The following PCDH15 variants were observed in gnomAD, a reference collection of about 807,000 sequenced individuals.
The protein encoded by PCDH15 is protocadherin related 15.
A neutral mutation model predicts 178.5 loss-of-function variants in PCDH15; 129 were observed. The ratio of observed to expected loss-of-function variants is 0.72; its 90% CI spans 0.63 to 0.84. The LOEUF is 0.84. PCDH15 is among the 40% of genes least tolerant of loss of function. PCDH15 has a pLI of 0.00. For missense variants in PCDH15, 2,230 were observed against 2,099.9 expected (o/e 1.06, Z -1.21); for synonymous variants, 800 against 732.0 (o/e 1.09, Z -1.50).
chr10:53,938,697 A>G (rs2085787598), intron 25 of PCDH15, 118 bp downstream of exon 25: 2 of 1,099,566 alleles, frequency 1.8e-6, no homozygotes, highest in Non-Finnish European at 2.7e-6. Context: ...ATCTCAGAGT[A>G]TTAATGATCT....
chr10:55,042,003 G>T (rs12244680), intron 2 of PCDH15, among the ~76,000 whole-genome samples: 3,565 of 152,096 alleles, frequency 0.023, 86 homozygotes, highest in Non-Finnish European at 0.022. Flanking sequence ...TACTATTCAT[G>T]ATTTCATTTG....
intron 23 of PCDH15, among the ~76,000 whole-genome samples, chr10:53,949,363 G>A (rs778170605): frequency 1.5e-4 from 23 of 152,136 alleles, no homozygotes; most frequent in African/African-American, 4.1e-4. Flanking sequence ...TTTAGCAATC[G>A]AGTTATGCTC....
chr10:55,315,224 G>C (rs2132293115), intron 1 of PCDH15, among the ~76,000 whole-genome samples: 1 of 152,226 alleles, frequency 6.6e-6, no homozygotes, highest in Admixed American at 6.5e-5. Flanking sequence ...CTCAGCCACA[G>C]TTAAGAATTG....
chr10:54,997,275 A>G (rs1188240937), intron 2 of PCDH15, among the ~76,000 whole-genome samples: 1 of 152,116 alleles, frequency 6.6e-6, no homozygotes, highest in Admixed American at 6.5e-5. Flanking sequence ...TTCAAGGTAA[A>G]AACTATTGGA....
At chr10:54,110,967 A>C (rs561668114) in intron 15 of PCDH15, among the ~76,000 whole-genome samples, 39 of 152,264 alleles carry the variant, frequency 2.6e-4, no homozygotes, top group Non-Finnish European at 1.3e-4. Context: ...AAATCAACTA[A>C]TTCTTGGTAG....
intron 28 of PCDH15, among the ~76,000 whole-genome samples, chr10:53,852,338 C>G (rs2132954522): frequency 6.6e-6 from 1 of 152,158 alleles, no homozygotes; most frequent in South Asian, 2.1e-4. Flanking sequence ...CTAAGATCAA[C>G]TTAAAATACG....
intron 2 of PCDH15, among the ~76,000 whole-genome samples, chr10:55,395,783 A>G (rs1837912868): frequency 6.6e-6 from 1 of 151,928 alleles, no homozygotes. Context: ...AAAGAAAACT[A>G]CCCTCTCTGG....
chr10:54,939,494 C>CAA (rs71014430), intron 2 of PCDH15, among the ~76,000 whole-genome samples: 359 of 26,674 alleles, frequency 0.013, 65 homozygotes, highest in African/African-American at 0.021. Flanking sequence ...GACTCCGTCT[C>CAA]AAAAAAAAAA....
intron 2 of PCDH15, among the ~76,000 whole-genome samples, chr10:55,612,178 T>G (rs1448990448): frequency 6.6e-6 from 1 of 152,126 alleles, no homozygotes; most frequent in East Asian, 1.9e-4. Flanking sequence ...ATATTTTAAG[T>G]GTTCTCACCA....
At chr10:54,579,810 A>C (rs1361601824) in intron 2 of PCDH15, among the ~76,000 whole-genome samples, 1 of 152,072 alleles carries the variant, frequency 6.6e-6, no homozygotes, top group African/African-American at 2.4e-5. Flanking sequence ...TAAAACCAGA[A>C]ACCAATACTA....
At chr10:53,859,104 C>T (rs142705225) in intron 27 of PCDH15, among the ~76,000 whole-genome samples, 153 of 151,990 alleles carry the variant, frequency 1.0e-3, no homozygotes, top group African/African-American at 3.4e-3. Flanking sequence ...TCAAACCACC[C>T]GGAACAAGTA....
intron 3 of PCDH15, among the ~76,000 whole-genome samples, chr10:54,496,321 C>T (rs186165174): frequency 2.6e-5 from 4 of 151,948 alleles, no homozygotes; most frequent in Non-Finnish European, 5.9e-5. Context: ...GTTTTGTTTT[C>T]TTTATGTAGA....
intron 15 of PCDH15, among the ~76,000 whole-genome samples, chr10:54,130,303 C>T (rs892548044): frequency 2.0e-5 from 3 of 152,138 alleles, no homozygotes; most frequent in African/African-American, 7.2e-5. Flanking sequence ...CCCACCATAG[C>T]AATGTTTAGC....
intron 2 of PCDH15, among the ~76,000 whole-genome samples, chr10:55,472,351 T>C (rs1336067542): frequency 6.6e-6 from 1 of 152,142 alleles, no homozygotes; most frequent in Non-Finnish European, 1.5e-5. Flanking sequence ...AGTTTTTCCA[T>C]TATGATTATG....
intron 2 of PCDH15, among the ~76,000 whole-genome samples, chr10:55,430,749 A>T (rs1188885121): frequency 6.6e-6 from 1 of 152,238 alleles, no homozygotes; most frequent in Non-Finnish European, 1.5e-5. Context: ...TAAGTCAAAA[A>T]GTTAATTAAA....
At chr10:54,054,810 A>T (rs989857882) in intron 18 of PCDH15, among the ~76,000 whole-genome samples, 6 of 146,132 alleles carry the variant, frequency 4.1e-5, no homozygotes, top group Non-Finnish European at 9.2e-5. Context: ...AATTTTTCAA[A>T]TTGTGTGGGC....
intron 37 of PCDH15, among the ~76,000 whole-genome samples, chr10:53,810,319 T>C (rs902543413): frequency 6.6e-6 from 1 of 152,182 alleles, no homozygotes; most frequent in African/African-American, 2.4e-5. Flanking sequence ...ATAATTTTCA[T>C]TGTGCCCTTT....
intron 3 of PCDH15, among the ~76,000 whole-genome samples, chr10:54,524,697 C>G (rs1018928606): frequency 2.0e-5 from 3 of 152,202 alleles, no homozygotes; most frequent in African/African-American, 7.2e-5. Flanking sequence ...TTCTCTAAAT[C>G]CATTCTCCCC....
intron 23 of PCDH15, among the ~76,000 whole-genome samples, chr10:53,943,503 A>AAC (rs1261642008): frequency 2.0e-5 from 3 of 151,950 alleles, no homozygotes; most frequent in Non-Finnish European, 2.9e-5. Flanking sequence ...CAAACAAACA[A>AAC]AAAAAACAAA....
Sources: allele counts gnomAD v4.1 joint callset (sites outside exome capture counted in the v4.1 genomes callset), GRCh38; gene constraint gnomAD v4.1.1; transcripts MANE v1.5; gene names NCBI Gene and HGNC (gene_info 2026-07-23, HGNC 2026-07-21).